The following CAMK1D variants were observed in gnomAD, a reference collection of about 807,000 sequenced individuals.
The protein encoded by CAMK1D is calcium/calmodulin dependent protein kinase ID.
CAMK1D carries 9 observed loss-of-function variants against 47.7 expected under a neutral mutation model. The ratio of observed to expected loss-of-function variants is 0.19; its 90% CI spans 0.11 to 0.33. CAMK1D has a LOEUF of 0.33. CAMK1D is among the 10% of genes least tolerant of loss of function. The pLI is 1.00. For synonymous variants in CAMK1D, 184 were observed against 184.9 expected (o/e 0.99, Z 0.04); for missense variants, 291 against 488.7 (o/e 0.60, Z 3.81).
intron 6 of CAMK1D, among the ~76,000 whole-genome samples, chr10:12,802,606 C>T (rs528684930): frequency 1.3e-5 from 2 of 152,202 alleles, no homozygotes; most frequent in East Asian, 1.9e-4. Context: ...CTGTAACCTC[C>T]GCCTCCTGGG....
intron 5 of CAMK1D, among the ~76,000 whole-genome samples, chr10:12,782,592 T>G (rs1466009511): frequency 6.6e-6 from 1 of 152,206 alleles, no homozygotes; most frequent in East Asian, 1.9e-4. Context: ...TGTTAGAAAC[T>G]TGATTACAGT....
chr10:12,465,837 C>T (rs958377203), intron 1 of CAMK1D, among the ~76,000 whole-genome samples: 16 of 152,158 alleles, frequency 1.1e-4, no homozygotes, highest in Admixed American at 9.2e-4. Flanking sequence ...GAGTCATGAG[C>T]TGGACTGCTA....
chr10:12,607,996 GAAAGA>G lies in CAMK1D; in HGVS notation c.224+54649_224+54653del, dbSNP rs571224319. Among the ~76,000 whole-genome samples the G allele has an allele frequency of 3.5e-3, 538 of 152,232 alleles. 4 individuals carry two copies. Among genetic ancestry groups the G allele is most frequent in the South Asian group, 8.5e-3 (41 of 4,824 alleles). ...ATAAGTAAAGAAAGAAAGACAGACA[GAAAGA>G]AAAGAAAACAGGAGCTCAAATCCAG... is the stretch of plus-strand genomic sequence containing the variant. On this transcript the variant is annotated intron_variant, in intron 2 of 10. Transcript: ENST00000619168.
intron 1 of CAMK1D, among the ~76,000 whole-genome samples, chr10:12,465,710 C>T (rs1401124853): frequency 1.3e-5 from 2 of 152,154 alleles, no homozygotes; most frequent in Non-Finnish European, 2.9e-5. Flanking sequence ...GCAACCACCT[C>T]GTATTTTATC....
Position 12,755,644 on chromosome 10 carries a change from C to T in CAMK1D, c.300-5304C>T, listed in dbSNP as rs576350426. 6.6e-5 allele frequency among the ~76,000 whole-genome samples: 10 copies of T among 152,218 alleles called. No individual in the cohort carries two copies. The East Asian group carries it at 1.9e-3, about 29-fold the overall frequency. On this transcript the variant is annotated intron_variant, in intron 3 of 10. Coordinates refer to ENST00000619168, the MANE Select transcript of CAMK1D (RefSeq NM_153498.4). ...CAGTGTAAAAGTGTTCCTATTTCTC[C>T]ACATCCTCTCCAGCACCTGTTGTTT...
At chr10:12,622,739 TGGC>T (rs1370380472) in intron 2 of CAMK1D, among the ~76,000 whole-genome samples, 2 of 152,020 alleles carry the variant, frequency 1.3e-5, no homozygotes, top group Non-Finnish European at 2.9e-5. Context: ...GAGGCTTTGG[TGGC>T]ATCAGTCAGA....
At chr10:12,358,838 G>A (rs536478307) in intron 1 of CAMK1D, among the ~76,000 whole-genome samples, 2 of 152,162 alleles carry the variant, frequency 1.3e-5, no homozygotes, top group South Asian at 4.1e-4. Flanking sequence ...TCAAGCTGTA[G>A]TTACCTCCAG....
At chr10:12,380,695 A>G (rs555040671) in intron 1 of CAMK1D, among the ~76,000 whole-genome samples, 38 of 152,262 alleles carry the variant, frequency 2.5e-4, no homozygotes, top group African/African-American at 8.7e-4. Flanking sequence ...TCTCTACTAA[A>G]AACACAAAAA....
chr10:12,367,751 T>C (rs1436951703), intron 1 of CAMK1D, among the ~76,000 whole-genome samples: 2 of 152,144 alleles, frequency 1.3e-5, no homozygotes, highest in African/African-American at 2.4e-5. Context: ...GCTCAGGCAG[T>C]ACTGCAAGTG....
chr10:12,827,462 T>TTCTCTTTCTTTCTTTCTTTCTTTCTTTC (rs1564594070), intron 10 of CAMK1D, among the ~76,000 whole-genome samples: 1 of 12,122 alleles, frequency 8.2e-5, no homozygotes, highest in Non-Finnish European at 2.5e-4. Context: ...TTTTCTTTCT[T>TTCTCTTTCTTTCTTTCTTTCTTTCTTTC]TGTCTGTCTG....
chr10:12,649,759 T>TC (rs1196759934), intron 2 of CAMK1D, among the ~76,000 whole-genome samples: 1 of 152,194 alleles, frequency 6.6e-6, no homozygotes, highest in Non-Finnish European at 1.5e-5. Flanking sequence ...AGCTCCTAAC[T>TC]CCAACTCATT....
intron 3 of CAMK1D, among the ~76,000 whole-genome samples, chr10:12,723,597 T>A (rs752088232): frequency 1.5e-4 from 23 of 152,330 alleles, no homozygotes; most frequent in Admixed American, 5.9e-4. Flanking sequence ...ATCAGCCTAC[T>A]TATGAATGAA....
At chr10:12,615,334 A>G (rs1157096357) in intron 2 of CAMK1D, among the ~76,000 whole-genome samples, 1 of 152,214 alleles carries the variant, frequency 6.6e-6, no homozygotes, top group Non-Finnish European at 1.5e-5. Context: ...AAATAAGAAA[A>G]TATATTGGAG....
chr10:12,729,544 G>A (rs11818346), intron 3 of CAMK1D, among the ~76,000 whole-genome samples: 2,064 of 152,182 alleles, frequency 0.014, 45 homozygotes, highest in African/African-American at 0.047. Flanking sequence ...AGGGTGAGGC[G>A]GGAGGGTCAC....
chr10:12,745,848 T>C lies in CAMK1D; in HGVS notation c.300-15100T>C, dbSNP rs1045288155. Among the ~76,000 whole-genome samples the C allele has an allele frequency of 7.2e-5, 11 of 152,176 alleles. No homozygotes were observed. The South Asian group carries it at 1.0e-3, about 14-fold the overall frequency. ...CGAACCGCTGACCTCAGCTGATCCA[T>C]GCGCTTCGGCCCCCCAAAGTGCTGG... is the stretch of plus-strand genomic sequence containing the variant. On this transcript the variant is annotated intron_variant, in intron 3 of 10. Transcript: ENST00000619168.
At chr10:12,789,994 G>C (rs2482044) in intron 5 of CAMK1D, among the ~76,000 whole-genome samples, 1 of 152,218 alleles carries the variant, frequency 6.6e-6, no homozygotes, top group African/African-American at 2.4e-5. Context: ...GCTGCTGGTC[G>C]CCAGAGTGGG....
chr10:12,605,548 C>G (rs1448480236), intron 2 of CAMK1D, among the ~76,000 whole-genome samples: 1 of 152,120 alleles, frequency 6.6e-6, no homozygotes, highest in Non-Finnish European at 1.5e-5. Flanking sequence ...CCCTCGGTGG[C>G]TCTTCGCCAC....
intron 10 of CAMK1D, among the ~76,000 whole-genome samples, chr10:12,827,278 TTTCTTTTTC>T (rs1833249431): frequency 8.1e-5 from 1 of 12,414 alleles, no homozygotes; most frequent in Non-Finnish European, 2.2e-4. Context: ...TTCTCTTTCT[TTTCTTTTTC>T]TTTCTTTCTT....
At chr10:12,363,577 G>A (rs1254926274) in intron 1 of CAMK1D, among the ~76,000 whole-genome samples, 1 of 149,946 alleles carries the variant, frequency 6.7e-6, no homozygotes, top group Non-Finnish European at 1.5e-5. Context: ...TAAATGTTAT[G>A]TAAATAGTTG....
Sources: allele counts gnomAD v4.1 joint callset (sites outside exome capture counted in the v4.1 genomes callset), GRCh38; gene constraint gnomAD v4.1.1; transcripts MANE v1.5; gene names NCBI Gene and HGNC (gene_info 2026-07-23, HGNC 2026-07-21).